Variants in IQCJ observed in about 807,000 individuals in gnomAD.
IQCJ encodes the protein IQ motif containing J.
IQCJ carries 9 observed loss-of-function variants against 11.0 expected under a neutral mutation model. The observed-to-expected ratio is 0.82, with a 90% CI of 0.49 to 1.43. IQCJ has a LOEUF of 1.43. Among genes scored for constraint, IQCJ ranks in the 40% most tolerant of loss-of-function variants. The pLI, the probability that IQCJ is intolerant of heterozygous loss-of-function variation, is 0.00. For missense variants in IQCJ, 146 were observed against 133.2 expected (o/e 1.10, Z -0.47); for synonymous variants, 55 against 51.3 (o/e 1.07, Z -0.31).
chr3:159,259,769 G>A (rs1728101482), intron 3 of IQCJ, among the ~76,000 whole-genome samples: 1 of 152,160 alleles, frequency 6.6e-6, no homozygotes, highest in South Asian at 2.1e-4. Flanking sequence ...GGTGTGACAT[G>A]ATGGCCCTGT....
At chr3:159,188,481 T>C (rs538680916) in intron 1 of IQCJ, among the ~76,000 whole-genome samples, 1 of 152,252 alleles carries the variant, frequency 6.6e-6, no homozygotes, top group Admixed American at 6.5e-5. Flanking sequence ...AGCTTTAGAT[T>C]TACATAAAAG....
chr3:159,077,146 A>G (rs760912495), intron 1 of IQCJ, among the ~76,000 whole-genome samples: 6 of 152,118 alleles, frequency 3.9e-5, no homozygotes, highest in Non-Finnish European at 7.4e-5. Context: ...GTTTTAATCC[A>G]GTGTCTGCTG....
intron 1 of IQCJ, among the ~76,000 whole-genome samples, chr3:159,071,383 A>AG (rs1411824666): frequency 6.6e-6 from 1 of 152,002 alleles, no homozygotes; most frequent in Non-Finnish European, 1.5e-5. Context: ...AATGAACCTA[A>AG]GATTGTGTCT....
At chr3:159,204,087 T>C (rs1560024491) in intron 1 of IQCJ, among the ~76,000 whole-genome samples, 2 of 152,220 alleles carry the variant, frequency 1.3e-5, no homozygotes, top group Admixed American at 6.5e-5. Flanking sequence ...TCTCCACCTA[T>C]GAAAGGCTGG....
chr3:159,076,547 A>C (rs1160201793), intron 1 of IQCJ, among the ~76,000 whole-genome samples: 1 of 152,202 alleles, frequency 6.6e-6, no homozygotes, highest in East Asian at 1.9e-4. Context: ...TCCTAAAAAG[A>C]AGCATGGTGT....
At chr3:159,206,150 G>A (rs1034151623) in intron 1 of IQCJ, among the ~76,000 whole-genome samples, 2 of 151,910 alleles carry the variant, frequency 1.3e-5, no homozygotes, top group African/African-American at 4.8e-5. Context: ...ATTATTCCTT[G>A]TTTTCAGTTT....
intron 1 of IQCJ, among the ~76,000 whole-genome samples, chr3:159,163,159 A>T (rs1177049420): frequency 2.0e-5 from 3 of 152,220 alleles, no homozygotes; most frequent in South Asian, 2.1e-4. Context: ...ATGAACATTG[A>T]TGCAAAAATC....
At chr3:159,111,484 G>A (rs1306445601) in intron 1 of IQCJ, among the ~76,000 whole-genome samples, 17 of 152,202 alleles carry the variant, frequency 1.1e-4, no homozygotes, top group Admixed American at 1.0e-3. Context: ...TGTTCTGGGA[G>A]AATCTTGAAG....
At chr3:159,149,348 T>A (rs1721081105) in intron 1 of IQCJ, among the ~76,000 whole-genome samples, 1 of 152,172 alleles carries the variant, frequency 6.6e-6, no homozygotes, top group African/African-American at 2.4e-5. Context: ...TGGAGCTGTT[T>A]TTGAATTATT....
At chr3:159,205,464 G>A (rs7619140) in intron 1 of IQCJ, among the ~76,000 whole-genome samples, 20,279 of 152,134 alleles carry the variant, frequency 0.13, 1,520 homozygotes, top group Middle Eastern at 0.2. Flanking sequence ...ATGTTGGCAT[G>A]ATTGATCAAT....
intron 1 of IQCJ, among the ~76,000 whole-genome samples, chr3:159,236,215 C>T (rs141820893): frequency 5.3e-4 from 75 of 142,784 alleles, no homozygotes; most frequent in African/African-American, 1.9e-3. Context: ...ACAGGTTTGC[C>T]AGCCATAGAA....
intron 1 of IQCJ, among the ~76,000 whole-genome samples, chr3:159,137,259 C>T (rs1179653012): frequency 1.4e-5 from 2 of 141,546 alleles, no homozygotes; most frequent in Admixed American, 7.0e-5. Context: ...GAGACTCCAT[C>T]TTGGAAAAAA....
chr3:159,106,353 A>C (rs1718262083), intron 1 of IQCJ, among the ~76,000 whole-genome samples: 1 of 152,170 alleles, frequency 6.6e-6, no homozygotes, highest in African/African-American at 2.4e-5. Context: ...GTCTGTATAA[A>C]GATGGTGCTA....
At chr3:159,140,051 G>C (rs780934090) in intron 1 of IQCJ, among the ~76,000 whole-genome samples, 9 of 152,052 alleles carry the variant, frequency 5.9e-5, no homozygotes, top group Admixed American at 1.3e-4. Context: ...AGAAAGTAAA[G>C]AGTTCCCATG....
chr3:159,077,803 C>A (rs1339395570), intron 1 of IQCJ, among the ~76,000 whole-genome samples: 3 of 152,002 alleles, frequency 2.0e-5, no homozygotes, highest in African/African-American at 7.2e-5. Flanking sequence ...GCTTTTACAA[C>A]TTAAAAAAAG....
At chr3:159,142,194 T>A (rs1720641695) in intron 1 of IQCJ, among the ~76,000 whole-genome samples, 1 of 152,300 alleles carries the variant, frequency 6.6e-6, no homozygotes, top group East Asian at 1.9e-4. Context: ...TAGTCTGCAG[T>A]CACAGTCAAA....
At chr3:159,191,431 C>G (rs1723682380) in intron 1 of IQCJ, among the ~76,000 whole-genome samples, 1 of 152,168 alleles carries the variant, frequency 6.6e-6, no homozygotes, top group African/African-American at 2.4e-5. Flanking sequence ...TCATTAGACA[C>G]CATCTGAAAT....
At position 159,212,426 on chromosome 3, in the gene IQCJ, A is replaced by G. The variant is rs111909404; in HGVS notation, c.10-33417A>G. Among the ~76,000 whole-genome samples, 393 of 152,258 alleles carry G rather than the reference A, an allele frequency of 2.6e-3. 1 individual carries two copies. Among genetic ancestry groups the G allele is most frequent in the African/African-American group, 9.1e-3 (378 of 41,530 alleles). On this transcript the variant is annotated intron_variant, in intron 1 of 3. Transcript: ENST00000397832. Reference sequence around the variant, plus strand: ...AGATGAAATGAATTAAATGTTTGGTACTTAGGATGAAATATGGATCCTGAT... The same window carrying G: ...AGATGAAATGAATTAAATGTTTGGTGCTTAGGATGAAATATGGATCCTGAT...
rs1345394491 is a variant in IQCJ at position 159,263,079 on chromosome 3, A to C, written c.*348A>C. ...TAGAAAGAGAACTTTTACCAGAAGAATTGAAAGTGGTCACACACTCAGGGG... is the reference window on the plus strand; with the variant it reads ...TAGAAAGAGAACTTTTACCAGAAGACTTGAAAGTGGTCACACACTCAGGGG... On this transcript the variant is annotated 3_prime_UTR_variant, in exon 4 of 4. Coordinates refer to ENST00000397832, the MANE Select transcript of IQCJ (RefSeq NM_001042706.3). The C allele has an allele frequency of 5.0e-6, 5 of 997,558 alleles. No homozygotes were observed. Among genetic ancestry groups the C allele is most frequent in the African/African-American group, 1.7e-5 (1 of 57,580 alleles). The allele number at this position is 997,558 out of a possible 1,614,324, so 61.8% of individuals were successfully genotyped here. A position where few individuals can be genotyped will look rare whatever the true frequency, so the allele number is the denominator to read the frequency against.
Sources: allele counts gnomAD v4.1 joint callset (sites outside exome capture counted in the v4.1 genomes callset), GRCh38; gene constraint gnomAD v4.1.1; transcripts MANE v1.5; gene names NCBI Gene and HGNC (gene_info 2026-07-23, HGNC 2026-07-21).